Variants in DOK5 observed in about 807,000 individuals in gnomAD.
DOK5 encodes the protein docking protein 5, also known as downstream of tyrosine kinase 5.
A neutral mutation model predicts 43.3 loss-of-function variants in DOK5; 27 were observed. The observed-to-expected ratio is 0.62, with a 90% confidence interval of 0.46 to 0.86. The LOEUF is 0.86. Ranked by LOEUF, DOK5 falls within the 40% of genes least tolerant of loss-of-function variation. The pLI is 0.00. For synonymous variants in DOK5, 146 were observed against 140.1 expected (o/e 1.04, Z -0.30); for missense variants, 373 against 392.9 (o/e 0.95, Z 0.43).
At chr20:54,634,043 A>T (rs1031949778) in intron 6 of DOK5, among the ~76,000 whole-genome samples, 1 of 152,230 alleles carries the variant, frequency 6.6e-6, no homozygotes, top group Non-Finnish European at 1.5e-5. Flanking sequence ...AAAGAAGTGC[A>T]CCAGCAGCAA....
At chr20:54,570,321 T>G (rs1985244576) in intron 2 of DOK5, among the ~76,000 whole-genome samples, 1 of 152,240 alleles carries the variant, frequency 6.6e-6, no homozygotes, top group African/African-American at 2.4e-5. Flanking sequence ...CATGTTAGTT[T>G]TATTTTTGAA....
chr20:54,641,330 AT>A (rs539840079), intron 6 of DOK5, among the ~76,000 whole-genome samples: 4 of 152,264 alleles, frequency 2.6e-5, no homozygotes. Context: ...TTGAGTGAAT[AT>A]TATAATCTTT....
At chr20:54,495,464 A>T (rs1982356366) in intron 1 of DOK5, among the ~76,000 whole-genome samples, 1 of 152,240 alleles carries the variant, frequency 6.6e-6, no homozygotes, top group African/African-American at 2.4e-5. Context: ...TGAGGGGAGA[A>T]AATTTTATTT....
chr20:54,513,462 CAAAAAAA>C (rs1011871917), intron 1 of DOK5, among the ~76,000 whole-genome samples: 5 of 24,622 alleles, frequency 2.0e-4, no homozygotes, highest in South Asian at 2.2e-3. Flanking sequence ...ATACTCTGAG[CAAAAAAA>C]AAAAAAAAAA....
chr20:54,616,784 C>CTTTTTTTTT (rs550110589), intron 6 of DOK5, among the ~76,000 whole-genome samples: 2 of 105,758 alleles, frequency 1.9e-5, no homozygotes, highest in African/African-American at 3.9e-5. Flanking sequence ...TTTTTTTTTT[C>CTTTTTTTTT]TTTTTTTTTT....
At chr20:54,635,198 T>C (rs150931796) in intron 6 of DOK5, among the ~76,000 whole-genome samples, 176 of 152,302 alleles carry the variant, frequency 1.2e-3, no homozygotes, top group Middle Eastern at 3.4e-3. Context: ...ACATGAGAGA[T>C]AGCAGGCCCT....
Position 54,608,698 on chromosome 20 carries a change from C to T in DOK5, c.600-1690C>T, listed in dbSNP as rs1021376419. Among the ~76,000 whole-genome samples the T allele has an allele frequency of 4.7e-5, 7 of 149,438 alleles. No homozygotes were observed. In the South Asian group the frequency reaches 6.4e-4, roughly 14 times the overall value. Reference sequence around the variant, plus strand: ...TTTTTTTTTTGGTGGGGGGATGGCACCTCTCTCTGTCACCCAGGCTGGAGT... The same window carrying T: ...TTTTTTTTTTGGTGGGGGGATGGCATCTCTCTCTGTCACCCAGGCTGGAGT... On this transcript the variant is annotated intron_variant, in intron 5 of 7. Coordinates refer to ENST00000262593, the MANE Select transcript of DOK5 (RefSeq NM_018431.5).
intron 7 of DOK5, among the ~76,000 whole-genome samples, 190 bp from the exon 8 acceptor site, chr20:54,650,225 C>T (rs1217228852): frequency 6.6e-6 from 1 of 152,152 alleles, no homozygotes; most frequent in Non-Finnish European, 1.5e-5. Flanking sequence ...AGCCCAAAGG[C>T]CACATGCAAA....
chr20:54,620,669 T>C (rs1222673409), intron 6 of DOK5, among the ~76,000 whole-genome samples: 1 of 152,208 alleles, frequency 6.6e-6, no homozygotes, highest in Non-Finnish European at 1.5e-5. Context: ...TGAAATTAAA[T>C]CCACACATCT....
At chr20:54,616,324 A>G (rs181628426) in intron 6 of DOK5, among the ~76,000 whole-genome samples, 50 of 152,314 alleles carry the variant, frequency 3.3e-4, no homozygotes, top group African/African-American at 1.2e-3. Flanking sequence ...ATCCTACATG[A>G]GATTAACTCA....
intron 1 of DOK5, among the ~76,000 whole-genome samples, chr20:54,476,565 G>C (rs1981436699): frequency 6.6e-6 from 1 of 152,190 alleles, no homozygotes; most frequent in East Asian, 1.9e-4. Context: ...CTCTGGTCGG[G>C]GCCAACTTGG....
In DOK5 at chr20:54,475,909, G is replaced by T. The variant is rs1033890051; in HGVS notation, c.-38G>T. ...CCCTCCCCAGAGCCACTTCGGGTGC[G>T]CGCTCTTGGGTAAAGGGGGGGTCAC... is the stretch of plus-strand genomic sequence containing the variant. On this transcript the variant is annotated 5_prime_UTR_variant, in exon 1 of 8. Transcript: ENST00000262593. This position sits in a 1 kb window ranked among gnomAD's most constrained non-coding sequence, Gnocchi z 4.2. The T allele has an allele frequency of 6.2e-7, 1 of 1,608,790 alleles. No homozygotes were observed. Among genetic ancestry groups the T allele is most frequent in the Non-Finnish European group, 8.5e-7 (1 of 1,178,656 alleles).
At chr20:54,614,861 C>G (rs1223164572) in intron 6 of DOK5, among the ~76,000 whole-genome samples, 1 of 152,166 alleles carries the variant, frequency 6.6e-6, no homozygotes, top group East Asian at 1.9e-4. Context: ...GGATACCATG[C>G]TAAAATAAAA....
chr20:54,566,032 A>C (rs1379323844), intron 2 of DOK5, among the ~76,000 whole-genome samples: 7 of 150,112 alleles, frequency 4.7e-5, no homozygotes, highest in Non-Finnish European at 8.9e-5. Flanking sequence ...AAAAAAAAAA[A>C]CCCTGAACAT....
chr20:54,498,648 T>C (rs1005857366), intron 1 of DOK5, among the ~76,000 whole-genome samples: 12 of 152,202 alleles, frequency 7.9e-5, no homozygotes, highest in Admixed American at 7.9e-4. Flanking sequence ...TGCTGTTACG[T>C]AGCAAAATTA....
chr20:54,577,402 G>C (rs1985486979), intron 2 of DOK5, among the ~76,000 whole-genome samples: 2 of 152,138 alleles, frequency 1.3e-5, no homozygotes, highest in African/African-American at 2.4e-5. Context: ...TCCATATAAT[G>C]GGTCAGTGTG....
rs10694715 is a variant in DOK5 at position 54,548,229 on chromosome 20, T to TTTTATTTATTTATTTA, written c.67-6685_67-6670dup. On this transcript the variant is annotated intron_variant, in intron 1 of 7. Transcript: ENST00000262593. Reference sequence around the variant, plus strand: ...TGTATTTACATTAGGATTACCTATCTTTTATTTATTTATTTATTTATTTAT... The same window carrying TTTTATTTATTTATTTA: ...TGTATTTACATTAGGATTACCTATCTTTTATTTATTTATTTATTTATTTATTTATTTATTTATTTAT... Among the ~76,000 whole-genome samples the TTTTATTTATTTATTTA allele has an allele frequency of 1.3e-3, 191 of 149,436 alleles. 3 individuals are homozygous for TTTTATTTATTTATTTA. The highest frequency in any genetic ancestry group is 4.5e-3 in the African/African-American group (180 of 39,702).
chr20:54,646,904 T>C (rs921537108), intron 7 of DOK5, among the ~76,000 whole-genome samples: 2 of 151,984 alleles, frequency 1.3e-5, no homozygotes, highest in African/African-American at 4.8e-5. Context: ...TTTTTTTTTT[T>C]TTTCTGGCAA....
chr20:54,565,653 A>G (rs1196234296), intron 2 of DOK5, among the ~76,000 whole-genome samples: 2 of 152,184 alleles, frequency 1.3e-5, no homozygotes, highest in Admixed American at 1.3e-4. Flanking sequence ...GTTTACTGCT[A>G]GTATACCTTA....
Sources: gnomAD v4.1 joint callset for allele counts (sites outside exome capture counted in the v4.1 genomes callset) on GRCh38, gnomAD v4.1.1 for gene constraint, Gnocchi (gnomAD v3.1) non-coding constraint, MANE v1.5 for transcripts, NCBI Gene and HGNC (gene_info 2026-07-23, HGNC 2026-07-21) for gene names.